Variants in ART3 observed in about 807,000 individuals in gnomAD.
ART3 encodes the protein ecto-ADP-ribosyltransferase 3.
In ART3, 49 loss-of-function variants were observed where a neutral mutation model predicts 48.5. The observed-to-expected ratio is 1.01, with a 90% confidence interval of 0.80 to 1.28. The LOEUF (loss-of-function observed/expected upper bound fraction) is 1.28. Among genes scored for constraint, ART3 ranks in the 50% most tolerant of loss-of-function variants. The pLI is 0.00. For missense variants in ART3, 438 were observed against 454.3 expected (o/e 0.96, Z 0.33); for synonymous variants, 145 against 157.2 (o/e 0.92, Z 0.58).
At chr4:76,070,823 A>C (rs372320739), upstream of ART3, among the ~76,000 whole-genome samples, 5 of 152,162 alleles carry the variant, frequency 3.3e-5, no homozygotes, top group South Asian at 1.0e-3. Flanking sequence ...TTTTTATTGC[A>C]ACCCACTTCT....
chr4:76,059,405 A>G (rs936032881), intron 1 of ART3, among the ~76,000 whole-genome samples: 2 of 140,668 alleles, frequency 1.4e-5, no homozygotes, highest in African/African-American at 5.3e-5. Flanking sequence ...TTGCATCTCC[A>G]GTCCTTTTCT....
intron 11 of ART3, among the ~76,000 whole-genome samples, chr4:76,109,515 A>G (rs1419260345): frequency 6.6e-6 from 1 of 151,998 alleles, no homozygotes; most frequent in Admixed American, 6.6e-5. Flanking sequence ...AATAATGATT[A>G]AAAGTATAGT....
chr4:76,082,421 A>T lies in ART3; in HGVS notation c.667A>T (p.Thr223Ser). The part of the protein sequence containing the change: ...NFLDKESERI[T>S]LIPLNEVFQV... ...TCTTGATAAAGAAAGTGAAAGAATT[A>T]CTTTAATACCTCTGAATGAGGTTTT... Residue 223 changes from threonine (T) to serine (S), a missense_variant, in exon 3 of 12, where the codon ACT becomes TCT. Transcript: ENST00000355810. 6.2e-7 allele frequency: 1 copy of T among 1,613,994 alleles called. No individual in the cohort carries two copies. Among genetic ancestry groups the T allele is most frequent in the Non-Finnish European group, 8.5e-7 (1 of 1,180,032 alleles).
rs1236108773 is a variant in ART3, at chr4:76,056,486, G to A, written c.-9-19395G>A. Among the ~76,000 whole-genome samples the A allele has an allele frequency of 3.3e-5, 5 of 152,174 alleles. No individual in the cohort carries two copies. In the East Asian group the frequency reaches 9.6e-4, roughly 29 times the overall value. On this transcript the variant is annotated intron_variant, in intron 1 of 9. Transcript: ENST00000341029. ...CTTAAAAGCCAGGAATCAAGGGTTA[G>A]GGGAAGAGAAAAAGAGTTGCAGGTT... is the stretch of plus-strand genomic sequence containing the variant.
intron 1 of ART3, among the ~76,000 whole-genome samples, chr4:76,053,187 A>G (rs1359599420): frequency 6.6e-6 from 1 of 152,216 alleles, no homozygotes; most frequent in Non-Finnish European, 1.5e-5. Context: ...ATGCCTGTTC[A>G]TGCTGATCAC....
intron 1 of ART3, chr4:76,011,415 A>T (rs1417730496): frequency 6.5e-6 from 1 of 152,778 alleles, no homozygotes; most frequent in Non-Finnish European, 1.5e-5. Context: ...GATGGGTGGG[A>T]AGGTTCTCAG....
chr4:76,097,519 C>G (rs1030192034), intron 3 of ART3, 125 bp from the exon 4 acceptor site: 1 of 778,158 alleles, frequency 1.3e-6, no homozygotes, highest in Admixed American at 2.3e-5. Flanking sequence ...CAATTTGCAT[C>G]TTACTAATTA....
At chr4:76,061,117 A>G (rs1023125409) in intron 1 of ART3, among the ~76,000 whole-genome samples, 1 of 152,158 alleles carries the variant, frequency 6.6e-6, no homozygotes, top group Non-Finnish European at 1.5e-5. Flanking sequence ...ATGACTCTCA[A>G]ATTTAAATGA....
At chr4:76,072,970 C>G (rs1395653070), upstream of ART3, among the ~76,000 whole-genome samples, 2 of 152,186 alleles carry the variant, frequency 1.3e-5, no homozygotes. Flanking sequence ...ATTGCAAACA[C>G]TCCATGCGCT....
chr4:76,107,475 A>G (rs1284553585), intron 10 of ART3: 2 of 239,792 alleles, frequency 8.3e-6, no homozygotes, highest in African/African-American at 4.6e-5. Context: ...GTAGGTATTA[A>G]TGTACTTGGG....
rs1404936512 is a variant in ART3 at position 76,105,586 on chromosome 4, C to G, written c.1003+957C>G. 3.1e-6 allele frequency: 4 copies of G among 1,285,726 alleles called. No homozygotes were observed. In the Admixed American group the frequency reaches 9.3e-5, roughly 30 times the overall value. 79.6% of individuals were successfully genotyped at this position (1,285,726 alleles called of 1,614,324 possible). A position where few individuals can be genotyped will look rare whatever the true frequency, so the allele number is the denominator to read the frequency against. The stretch of plus-strand genomic sequence containing the variant: ...TATTCTTTATTGGGGGTGGAGGCAC[C>G]ATGGATTCTAAGTCCTTTACCATAA... On this transcript the variant is annotated intron_variant, in intron 10 of 11. Transcript: ENST00000355810.
At chr4:76,018,344 C>T (rs966917294) in intron 1 of ART3, among the ~76,000 whole-genome samples, 3 of 152,112 alleles carry the variant, frequency 2.0e-5, no homozygotes, top group African/African-American at 7.2e-5. Flanking sequence ...AACAGAAAAC[C>T]AAATACTGCA....
chr4:76,070,113 A>G (rs966960385), upstream of ART3, among the ~76,000 whole-genome samples: 2 of 151,770 alleles, frequency 1.3e-5, no homozygotes, highest in African/African-American at 4.9e-5. Flanking sequence ...TTATGAATCA[A>G]CCTGCTGTGA....
chr4:76,012,389 C>G (rs941188839), intron 1 of ART3: 3 of 152,296 alleles, frequency 2.0e-5, no homozygotes, highest in East Asian at 1.9e-4. Context: ...GGGTTTATTT[C>G]TTGAAAGTCT....
At chr4:76,036,299 CT>C in intron 1 of ART3, 1 of 342,384 alleles carries the variant, frequency 2.9e-6, no homozygotes, top group Non-Finnish European at 5.2e-6. Context: ...CTTAAGGTAG[CT>C]TTTCCTAGAA....
intron 1 of ART3, chr4:76,033,799 A>G (rs1334862482): frequency 6.6e-6 from 1 of 152,222 alleles, no homozygotes; most frequent in African/African-American, 2.4e-5. Flanking sequence ...AAAGAAATTG[A>G]TTAGATTATG....
Position 76,074,853 on chromosome 4 carries a change from AGAAAT to A in ART3, c.-10+38_-10+42del, listed in dbSNP as rs541485772. The A allele has an allele frequency of 2.6e-5, 4 of 152,342 alleles. No homozygotes were observed. In the South Asian group the frequency reaches 8.3e-4, roughly 32 times the overall value. 9.4% of individuals were successfully genotyped at this position (152,342 alleles called of 1,614,324 possible). A position where few individuals can be genotyped will look rare whatever the true frequency, so the allele number is the denominator to read the frequency against. ...TTTGACTTATTTACACTCAGACTAA[AGAAAT>A]GAACAATTTTTAGGAAAATCCTGAT... On this transcript the variant is annotated intron_variant, in intron 1 of 11. Coordinates refer to ENST00000355810, the MANE Select transcript of ART3 (RefSeq NM_001130016.3).
chr4:76,021,807 T>C, intron 1 of ART3: 2 of 952,318 alleles, frequency 2.1e-6, no homozygotes, highest in Non-Finnish European at 3.4e-6. Context: ...CACCTTTTAG[T>C]GTAACTGCAA....
intron 1 of ART3, among the ~76,000 whole-genome samples, chr4:76,044,220 A>G (rs982772430): frequency 6.6e-6 from 1 of 152,034 alleles, no homozygotes; most frequent in African/African-American, 2.4e-5. Context: ...TGGTATAAGA[A>G]TTTGAAAGGC....
Sources: allele counts gnomAD v4.1 joint callset (sites outside exome capture counted in the v4.1 genomes callset), GRCh38; gene constraint gnomAD v4.1.1; transcripts MANE v1.5; gene names NCBI Gene and HGNC (gene_info 2026-07-23, HGNC 2026-07-21).